The following MICU1 variants were observed in gnomAD, a reference collection of about 807,000 sequenced individuals.
MICU1 encodes calcium uptake protein 1, mitochondrial.
Under a neutral mutation model 56.8 loss-of-function variants are expected in MICU1, and 45 were observed. The ratio of observed to expected loss-of-function variants is 0.79; its 90% CI spans 0.62 to 1.02. MICU1 has a LOEUF of 1.02. MICU1 is among the 50% of genes least tolerant of loss of function. The probability of loss-of-function intolerance (pLI) is 0.00; values close to 1 mark genes in which losing one functional copy is unlikely to be tolerated. For synonymous variants in MICU1, 186 were observed against 195.1 expected (o/e 0.95, Z 0.39); for missense variants, 504 against 587.1 (o/e 0.86, Z 1.46).
At chr10:72,612,023 A>T (rs1841864727) in intron 1 of MICU1, among the ~76,000 whole-genome samples, 1 of 151,854 alleles carries the variant, frequency 6.6e-6, no homozygotes, top group South Asian at 2.1e-4. Flanking sequence ...AAAAAAAAAA[A>T]AAAAAAATCA....
intron 8 of MICU1, among the ~76,000 whole-genome samples, chr10:72,465,806 G>A (rs1865778629): frequency 6.6e-6 from 1 of 152,056 alleles, no homozygotes; most frequent in Admixed American, 6.6e-5. Flanking sequence ...GAGCCACCAT[G>A]CCTGGCCCTT....
chr10:72,512,812 C>T (rs554520913), intron 5 of MICU1, among the ~76,000 whole-genome samples: 2 of 152,210 alleles, frequency 1.3e-5, no homozygotes, highest in African/African-American at 4.8e-5. Flanking sequence ...TCAGGTGATC[C>T]TCCCATCTCA....
chr10:72,583,948 T>C (rs2132512417), intron 1 of MICU1, among the ~76,000 whole-genome samples: 1 of 152,324 alleles, frequency 6.6e-6, no homozygotes, highest in African/African-American at 2.4e-5. Context: ...GTGAGTATCT[T>C]CCAATAGCAG....
intron 1 of MICU1, among the ~76,000 whole-genome samples, chr10:72,585,253 AT>A (rs955092765): frequency 7.9e-5 from 12 of 151,902 alleles, no homozygotes; most frequent in African/African-American, 2.9e-4. Flanking sequence ...TGCCCAGCTA[AT>A]TTTTGTATTT....
chr10:72,424,572 C>T (rs1213249154), intron 8 of MICU1, among the ~76,000 whole-genome samples: 1 of 152,040 alleles, frequency 6.6e-6, no homozygotes, highest in Admixed American at 6.6e-5. Flanking sequence ...CTGCCTTGGC[C>T]TCCTAAAGTG....
intron 8 of MICU1, among the ~76,000 whole-genome samples, chr10:72,447,571 C>G (rs11000302): frequency 1.3e-5 from 2 of 151,700 alleles, no homozygotes; most frequent in Admixed American, 6.6e-5. Flanking sequence ...AGTTTATAAC[C>G]AGGAGGCAAT....
At chr10:72,610,259 C>CA (rs386371809) in intron 1 of MICU1, among the ~76,000 whole-genome samples, 8,942 of 118,784 alleles carry the variant, frequency 0.075, 942 homozygotes, top group African/African-American at 0.23. Context: ...ACATACTCTC[C>CA]AAAAAAAAAA....
At chr10:72,590,352 G>A (rs1285022121) in intron 1 of MICU1, among the ~76,000 whole-genome samples, 2 of 152,072 alleles carry the variant, frequency 1.3e-5, no homozygotes, top group Non-Finnish European at 2.9e-5. Context: ...ACAGCAAAAA[G>A]ATATAATAAT....
intron 1 of MICU1, among the ~76,000 whole-genome samples, chr10:72,613,965 C>T (rs1589392115): frequency 6.6e-6 from 1 of 151,962 alleles, no homozygotes; most frequent in Non-Finnish European, 1.5e-5. Context: ...GCCAATGTGG[C>T]GAAACCCCGT....
intron 5 of MICU1, among the ~76,000 whole-genome samples, chr10:72,517,383 CA>C: frequency 6.6e-6 from 1 of 152,242 alleles, no homozygotes; most frequent in Admixed American, 6.5e-5. Flanking sequence ...AAATGCCCAT[CA>C]ATAAACAAGT....
At chr10:72,414,944 T>G (rs1373986885) in intron 9 of MICU1, among the ~76,000 whole-genome samples, 1 of 152,044 alleles carries the variant, frequency 6.6e-6, no homozygotes, top group Non-Finnish European at 1.5e-5. Flanking sequence ...AAAAACAGTC[T>G]TCTTCCTTCC....
At chr10:72,391,253 G>A (rs1479303062) in intron 10 of MICU1, among the ~76,000 whole-genome samples, 12 of 152,172 alleles carry the variant, frequency 7.9e-5, no homozygotes, top group East Asian at 5.8e-4. Flanking sequence ...CCAACATGGC[G>A]AAATCCTCTC....
intron 6 of MICU1, among the ~76,000 whole-genome samples, chr10:72,501,960 T>C (rs1867082648): frequency 6.6e-6 from 1 of 152,162 alleles, no homozygotes; most frequent in Non-Finnish European, 1.5e-5. Context: ...TTAATTTTAT[T>C]TTTAAGTCAA....
intron 1 of MICU1, among the ~76,000 whole-genome samples, chr10:72,624,288 G>A (rs184674550): frequency 6.6e-6 from 1 of 152,290 alleles, no homozygotes; most frequent in Non-Finnish European, 1.5e-5. Flanking sequence ...TCAACCTCGA[G>A]GGCTCAAGCC....
chr10:72,509,347 A>T, intron 5 of MICU1: 1 of 1,323,696 alleles, frequency 7.6e-7, no homozygotes, highest in Non-Finnish European at 1.0e-6. Context: ...AAACTAAACC[A>T]ACAAGCACCA....
At chr10:72,479,043 T>TA (rs1391783954) in intron 6 of MICU1, among the ~76,000 whole-genome samples, 1 of 152,248 alleles carries the variant, frequency 6.6e-6, no homozygotes, top group African/African-American at 2.4e-5. Flanking sequence ...GAGGAGTTAC[T>TA]ATGTGGCAGG....
chr10:72,537,838 A>G (rs1178533228), intron 4 of MICU1, among the ~76,000 whole-genome samples: 1 of 152,162 alleles, frequency 6.6e-6, no homozygotes, highest in African/African-American at 2.4e-5. Context: ...CATTTAAAAG[A>G]CTTGTTTAAA....
intron 5 of MICU1, among the ~76,000 whole-genome samples, chr10:72,528,484 G>C (rs896416024): frequency 6.6e-6 from 1 of 152,156 alleles, no homozygotes; most frequent in Non-Finnish European, 1.5e-5. Context: ...TTCCACTTGA[G>C]TGGTTTCAGG....
At chr10:72,611,487 G>A (rs1339618027) in intron 1 of MICU1, among the ~76,000 whole-genome samples, 1 of 150,202 alleles carries the variant, frequency 6.7e-6, no homozygotes, top group South Asian at 2.1e-4. Context: ...TGGGTGTGGT[G>A]GTGCGTGCCT....
Sources: allele counts gnomAD v4.1 joint callset (sites outside exome capture counted in the v4.1 genomes callset), GRCh38; gene constraint gnomAD v4.1.1; transcripts MANE v1.5; gene names NCBI Gene and HGNC (gene_info 2026-07-23, HGNC 2026-07-21).